Variants in EXOC6B observed in about 807,000 individuals in gnomAD.
The protein encoded by EXOC6B is exocyst complex component 6B.
A neutral mutation model predicts 113.5 loss-of-function variants in EXOC6B; 54 were observed. The ratio of observed to expected loss-of-function variants is 0.48; its 90% confidence interval spans 0.38 to 0.60. The LOEUF is 0.60. EXOC6B is among the 20% of genes least tolerant of loss of function. The probability of loss-of-function intolerance (pLI) is 0.00; values close to 1 mark genes in which losing one functional copy is unlikely to be tolerated. For synonymous variants in EXOC6B, 357 were observed against 339.0 expected (o/e 1.05, Z -0.58); for missense variants, 797 against 977.5 (o/e 0.82, Z 2.46).
At chr2:72,715,242 C>T (rs928955287) in intron 6 of EXOC6B, among the ~76,000 whole-genome samples, 6 of 151,690 alleles carry the variant, frequency 4.0e-5, no homozygotes, top group African/African-American at 1.5e-4. Context: ...TTAAAATAAA[C>T]GTTTGTTCAG....
chr2:72,341,996 T>C (rs1024618202), intron 19 of EXOC6B, among the ~76,000 whole-genome samples: 6 of 151,748 alleles, frequency 4.0e-5, no homozygotes, highest in Non-Finnish European at 8.8e-5. Flanking sequence ...AAATAACCAA[T>C]GGGTCAAATA....
At chr2:72,431,937 G>A (rs769286429) in intron 18 of EXOC6B, among the ~76,000 whole-genome samples, 3 of 151,994 alleles carry the variant, frequency 2.0e-5, no homozygotes, top group South Asian at 2.1e-4. Context: ...TGAGAATGAC[G>A]GTTTCCCACT....
At chr2:72,573,620 C>G (rs1263689672) in intron 7 of EXOC6B, among the ~76,000 whole-genome samples, 1 of 152,116 alleles carries the variant, frequency 6.6e-6, no homozygotes. Flanking sequence ...TTTCTTAGCT[C>G]TATTAAGAGC....
intron 1 of EXOC6B, among the ~76,000 whole-genome samples, chr2:72,789,293 C>G (rs922335081): frequency 1.3e-5 from 2 of 152,140 alleles, no homozygotes; most frequent in African/African-American, 4.8e-5. Context: ...AGCTAACATA[C>G]GTGGTACATC....
chr2:72,252,392 T>C (rs1377090029), intron 20 of EXOC6B, among the ~76,000 whole-genome samples: 1 of 152,082 alleles, frequency 6.6e-6, no homozygotes, highest in African/African-American at 2.4e-5. Flanking sequence ...TTCTCTACAC[T>C]GAGAACAATG....
Position 72,731,030 on chromosome 2 carries a change from C to T in EXOC6B, c.441G>A (p.Leu147=), listed in dbSNP as rs767505304. ...CLPVLEMYSK[L]RDQMKTKRHY... ...ACCTTTTAGTTTTCATCTGGTCCCT[C>T]AGTTTGCTGTACATCTCTAGGACTT... is the stretch of plus-strand genomic sequence containing the variant. Residue 147 remains leucine (L), a synonymous_variant, in exon 5 of 22, where the codon CTG becomes CTA. Transcript: ENST00000272427. The T allele has an allele frequency of 9.7e-6, 15 of 1,543,068 alleles. No homozygotes were observed. The South Asian group carries it at 1.9e-4, about 19-fold the overall frequency.
intron 20 of EXOC6B, among the ~76,000 whole-genome samples, chr2:72,231,694 A>G (rs1364274454): frequency 6.6e-5 from 10 of 152,216 alleles, no homozygotes; most frequent in African/African-American, 2.4e-4. Context: ...AACTTCACCA[A>G]TGAAGAAACA....
chr2:72,588,829 G>T (rs1705746692), intron 6 of EXOC6B, among the ~76,000 whole-genome samples: 1 of 151,950 alleles, frequency 6.6e-6, no homozygotes, highest in African/African-American at 2.4e-5. Context: ...ACACATAGAG[G>T]ACATTACAAT....
intron 20 of EXOC6B, among the ~76,000 whole-genome samples, chr2:72,299,089 G>A (rs1312669695): frequency 3.9e-5 from 6 of 151,934 alleles, no homozygotes; most frequent in African/African-American, 7.3e-5. Flanking sequence ...TTTCCAGCTC[G>A]GTTCCATTCT....
chr2:72,373,214 C>A (rs1296675122), intron 19 of EXOC6B, among the ~76,000 whole-genome samples: 7 of 151,744 alleles, frequency 4.6e-5, no homozygotes, highest in Admixed American at 4.6e-4. Context: ...GATTACATGG[C>A]CAGCTAATTT....
rs1685267381 is a variant in EXOC6B, at chr2:72,283,848, G to A, written c.2196+51099C>T. ...GTACTCCATGTGGAAGAAATATTGT[G>A]AACAACTTTTTGCCCACAAATTTGA... is the stretch of plus-strand genomic sequence containing the variant. On this transcript the variant is annotated intron_variant, in intron 20 of 21. Transcript: ENST00000272427. 2.6e-5 allele frequency among the ~76,000 whole-genome samples: 4 copies of A among 152,042 alleles called. No homozygotes were observed. In the South Asian group the frequency reaches 8.3e-4, roughly 32 times the overall value.
chr2:72,392,222 A>G (rs1264850996), intron 18 of EXOC6B, among the ~76,000 whole-genome samples: 1 of 152,170 alleles, frequency 6.6e-6, no homozygotes, highest in Admixed American at 6.5e-5. Flanking sequence ...GTAACCCTGA[A>G]GCAGTGGCTT....
intron 20 of EXOC6B, among the ~76,000 whole-genome samples, chr2:72,199,817 T>C (rs948246999): frequency 6.6e-6 from 1 of 152,228 alleles, no homozygotes. Flanking sequence ...ATCTGTCTTT[T>C]GGTTAACAAA....
chr2:72,822,360 T>C (rs1686630053), intron 1 of EXOC6B, among the ~76,000 whole-genome samples: 1 of 152,194 alleles, frequency 6.6e-6, no homozygotes, highest in Admixed American at 6.5e-5. Flanking sequence ...AAGAGTTTGC[T>C]AGGCAACACC....
chr2:72,641,378 C>A (rs906773519), intron 6 of EXOC6B, among the ~76,000 whole-genome samples: 8 of 152,250 alleles, frequency 5.3e-5, no homozygotes, highest in African/African-American at 1.4e-4. Context: ...GCTTTTCCAA[C>A]AGTCTTAGCA....
At chr2:72,485,217 C>G (rs1355095798) in intron 16 of EXOC6B, among the ~76,000 whole-genome samples, 3 of 152,184 alleles carry the variant, frequency 2.0e-5, no homozygotes, top group Non-Finnish European at 2.9e-5. Context: ...CATCATCTTC[C>G]ATAGTTCAAA....
chr2:72,372,905 G>T (rs1003922231), intron 19 of EXOC6B, among the ~76,000 whole-genome samples: 2 of 151,940 alleles, frequency 1.3e-5, no homozygotes, highest in Non-Finnish European at 2.9e-5. Flanking sequence ...GGGAAAACTA[G>T]AAATCCATAT....
At chr2:72,312,672 T>C (rs1345769678) in intron 20 of EXOC6B, among the ~76,000 whole-genome samples, 1 of 151,698 alleles carries the variant, frequency 6.6e-6, no homozygotes, top group Non-Finnish European at 1.5e-5. Context: ...GGAGAATCGC[T>C]TGAACCCAGG....
chr2:72,234,694 G>T (rs1051563658), intron 20 of EXOC6B, among the ~76,000 whole-genome samples: 1 of 151,920 alleles, frequency 6.6e-6, no homozygotes, highest in Non-Finnish European at 1.5e-5. Flanking sequence ...GAATCTATAG[G>T]GAACATAAAT....
Sources: gnomAD v4.1 joint callset for allele counts (sites outside exome capture counted in the v4.1 genomes callset) on GRCh38, gnomAD v4.1.1 for gene constraint, MANE v1.5 for transcripts, NCBI Gene and HGNC (gene_info 2026-07-23, HGNC 2026-07-21) for gene names.